ARHGAP8: variants seen among roughly 807,000 people sequenced by gnomAD.
ARHGAP8 encodes the protein rho GTPase-activating protein 8.
A neutral mutation model predicts 46.1 loss-of-function variants in ARHGAP8; 62 were observed. The observed-to-expected ratio is 1.34, with a 90% CI of 1.10 to 1.66. ARHGAP8 has a LOEUF of 1.66. Among genes scored for constraint, ARHGAP8 ranks in the 40% most tolerant of loss-of-function variants. The probability of loss-of-function intolerance (pLI) is 0.00; values close to 1 mark genes in which losing one functional copy is unlikely to be tolerated. For missense variants in ARHGAP8, 923 were observed against 568.4 expected (o/e 1.62, Z -6.34); for synonymous variants, 375 against 243.1 (o/e 1.54, Z -5.05).
rs142401552 is a variant in ARHGAP8, at chr22:44,859,417, C to T, written c.878-314C>T. Among the ~76,000 whole-genome samples, 998 of 152,288 alleles carry T rather than the reference C, an allele frequency of 6.6e-3. 9 individuals carry two copies. The highest frequency in any genetic ancestry group is 0.027 in the Middle Eastern group (8 of 294). On this transcript the variant is annotated intron_variant, in intron 10 of 11. Coordinates refer to ENST00000356099, the MANE Select transcript of ARHGAP8 (RefSeq NM_181335.3). The stretch of plus-strand genomic sequence containing the variant: ...GCACCTCCTTCCTTTTTGCCTTCTG[C>T]CATAATTGGAAGCCTCCTGAGGCTT...
chr22:44,810,820 C>A (rs1402433284), intron 4 of ARHGAP8, among the ~76,000 whole-genome samples: 1 of 152,002 alleles, frequency 6.6e-6, no homozygotes, highest in Non-Finnish European at 1.5e-5. Flanking sequence ...AGGGAGGCAG[C>A]AAAGGAGGGA....
intron 6 of ARHGAP8, 88 bp from the exon 7 acceptor site, chr22:44,825,395 G>A: frequency 1.4e-6 from 2 of 1,420,178 alleles, no homozygotes; most frequent in South Asian, 2.6e-5. Flanking sequence ...CAGGTGTCCT[G>A]CAGGTGGGGC....
intron 1 of ARHGAP8, 111 bp from the exon 2 acceptor site, chr22:44,786,346 G>A: frequency 1.4e-6 from 2 of 1,406,268 alleles, no homozygotes; most frequent in Non-Finnish European, 1.9e-6. Context: ...AGGGCGCGTA[G>A]TGGGTGTGCA....
intron 2 of ARHGAP8, among the ~76,000 whole-genome samples, chr22:44,792,817 T>TC (rs1927797935): frequency 8.5e-6 from 1 of 118,060 alleles, no homozygotes. Flanking sequence ...GGTGGTTTTT[T>TC]TTGTTTTTTT....
At chr22:44,800,036 G>A (rs1037799060) in intron 2 of ARHGAP8, among the ~76,000 whole-genome samples, 2 of 151,944 alleles carry the variant, frequency 1.3e-5, no homozygotes, top group African/African-American at 4.8e-5. Context: ...CTGCAGGCAC[G>A]GAGGATGGTC....
intron 7 of ARHGAP8, among the ~76,000 whole-genome samples, chr22:44,838,892 C>T (rs967356856): frequency 3.5e-5 from 5 of 141,576 alleles, no homozygotes; most frequent in African/African-American, 1.4e-4. Flanking sequence ...TGTAGCTCAG[C>T]AAAGCCTGCA....
Position 44,801,212 on chromosome 22 carries a change from G to A in ARHGAP8, c.80-865G>A, listed in dbSNP as rs111289386. Among the ~76,000 whole-genome samples, 26 of 63,150 alleles carry A rather than the reference G, an allele frequency of 4.1e-4. 3 individuals are homozygous for A. Among genetic ancestry groups the A allele is most frequent in the Non-Finnish European group, 7.5e-4 (26 of 34,578 alleles). The allele number at this position is 63,150 out of a possible 152,430, so 41.4% of individuals were successfully genotyped here. A position where few individuals can be genotyped will look rare whatever the true frequency, so the allele number is the denominator to read the frequency against. ...CCCGCAGCTGTCCATGTGTGGGGGC[G>A]CCTCTCCCCGCAGCTGTCCATGTGT... is the stretch of plus-strand genomic sequence containing the variant. On this transcript the variant is annotated intron_variant, in intron 2 of 11. Transcript: ENST00000356099.
intron 6 of ARHGAP8, among the ~76,000 whole-genome samples, chr22:44,824,693 C>T (rs954572944): frequency 2.0e-5 from 3 of 149,210 alleles, no homozygotes; most frequent in Non-Finnish European, 4.4e-5. Flanking sequence ...AGTGCAATGG[C>T]GCAATCTCGG....
chr22:44,793,585 T>C (rs1927862569), intron 2 of ARHGAP8, among the ~76,000 whole-genome samples: 1 of 152,202 alleles, frequency 6.6e-6, no homozygotes, highest in African/African-American at 2.4e-5. Flanking sequence ...CTACTGCCTT[T>C]ATGATGCGTT....
At chr22:44,807,617 C>T (rs2147090802) in intron 3 of ARHGAP8, among the ~76,000 whole-genome samples, 1 of 152,294 alleles carries the variant, frequency 6.6e-6, no homozygotes, top group South Asian at 2.1e-4. Flanking sequence ...GCTCATCCTC[C>T]TTGTGAGTTT....
intron 10 of ARHGAP8, 26 bp from the exon 11 acceptor site, chr22:44,859,705 C>T (rs368444450): frequency 5.8e-5 from 93 of 1,610,850 alleles, no homozygotes; most frequent in Admixed American, 1.0e-4. Context: ...CTCTGGAGCT[C>T]AGCAGGGAGC....
chr22:44,767,701 C>T (rs928148676), intron 1 of ARHGAP8, among the ~76,000 whole-genome samples: 4 of 151,490 alleles, frequency 2.6e-5, no homozygotes, highest in South Asian at 2.1e-4. Context: ...CGTGAAACCG[C>T]GTTTTTACTA....
chr22:44,764,342 C>G lies in ARHGAP8; in HGVS notation c.-72+11715C>G, dbSNP rs1020920728. Among the ~76,000 whole-genome samples, 8 of 152,252 alleles carry G rather than the reference C, an allele frequency of 5.3e-5. No homozygotes were observed. In the South Asian group the frequency reaches 1.7e-3, roughly 32 times the overall value. On this transcript the variant is annotated intron_variant, in intron 1 of 11. Coordinates refer to ENST00000356099, the MANE Select transcript of ARHGAP8 (RefSeq NM_181335.3). The stretch of plus-strand genomic sequence containing the variant: ...GATCTAAATAATAGTTCAAGACAAC[C>G]GATGAGGAAGAGGAGAGGGGTCCCA...
intron 1 of ARHGAP8, among the ~76,000 whole-genome samples, chr22:44,768,236 C>T (rs1258816143): frequency 6.6e-6 from 1 of 151,864 alleles, no homozygotes; most frequent in Non-Finnish European, 1.5e-5. Flanking sequence ...ACCTCGTGAT[C>T]CACCCGCCTC....
rs772380059 is a variant in ARHGAP8 at position 44,802,184 on chromosome 22, T to A, written c.167+20T>A. 4 of 1,613,652 alleles carry A rather than the reference T, an allele frequency of 2.5e-6. No individual in the cohort carries two copies. The South Asian group carries it at 4.4e-5, about 18-fold the overall frequency. The stretch of plus-strand genomic sequence containing the variant: ...GCTGGAGTAAGTGTTCTGCCCCCTC[T>A]CTTTCTGTCCCTGTCTCTCCATGTT... On this transcript the variant is annotated intron_variant, in intron 3 of 11. Transcript: ENST00000356099.
At chr22:44,858,762 C>T (rs1261521601) in intron 10 of ARHGAP8, among the ~76,000 whole-genome samples, 2 of 143,270 alleles carry the variant, frequency 1.4e-5, no homozygotes, top group African/African-American at 2.6e-5. Context: ...GGGCCAGTTG[C>T]ATCAGGCCCC....
intron 1 of ARHGAP8, among the ~76,000 whole-genome samples, chr22:44,770,623 C>CTCA (rs1212701599): frequency 1.3e-5 from 2 of 152,100 alleles, no homozygotes; most frequent in Non-Finnish European, 2.9e-5. Flanking sequence ...CCAGGCTGGT[C>CTCA]TCACACTTCT....
chr22:44,776,787 G>C (rs940375913), intron 1 of ARHGAP8, among the ~76,000 whole-genome samples: 2 of 152,064 alleles, frequency 1.3e-5, no homozygotes, highest in African/African-American at 4.8e-5. Flanking sequence ...CACTGTAGGT[G>C]GCCTGGTGGC....
At chr22:44,785,892 AG>A (rs1243060333) in intron 1 of ARHGAP8, 1 of 153,342 alleles carries the variant, frequency 6.5e-6, no homozygotes, top group African/African-American at 2.4e-5. Flanking sequence ...GCTGGCTGCC[AG>A]TGTCAGGGTC....
Sources: gnomAD v4.1 joint callset for allele counts (sites outside exome capture counted in the v4.1 genomes callset) on GRCh38, gnomAD v4.1.1 for gene constraint, MANE v1.5 for transcripts, NCBI Gene and HGNC (gene_info 2026-07-23, HGNC 2026-07-21) for gene names.